The following MTERF4 variants were observed in gnomAD, a reference collection of about 807,000 sequenced individuals.
MTERF4 encodes the protein mitochondrial transcription termination factor 4.
A neutral mutation model predicts 22.5 loss-of-function variants in MTERF4; 17 were observed. The observed-to-expected ratio is 0.75, with a 90% CI of 0.52 to 1.13. The LOEUF is 1.13. MTERF4 is among the 50% of genes most tolerant of loss of function. MTERF4 has a pLI of 0.00. For synonymous variants in MTERF4, 165 were observed against 175.3 expected (o/e 0.94, Z 0.47); for missense variants, 420 against 466.8 (o/e 0.90, Z 0.92).
At chr2:241,093,254 CA>C (rs2064157791), downstream of MTERF4, 1 of 152,634 alleles carries the variant, frequency 6.6e-6, no homozygotes, top group African/African-American at 2.4e-5. Context: ...ACCACGTTCA[CA>C]AACGCGTACT....
At chr2:241,092,664 T>C (rs1378501161), downstream of MTERF4, 1 of 152,234 alleles carries the variant, frequency 6.6e-6, no homozygotes, top group East Asian at 1.9e-4. This position sits in a 1 kb window ranked among gnomAD's most constrained non-coding sequence, Gnocchi z 4.6. Flanking sequence ...GCAACAGAGA[T>C]GGACACCTGG....
downstream of MTERF4, chr2:241,071,701 A>AACC: frequency 3.1e-6 from 4 of 1,281,728 alleles, no homozygotes; most frequent in Non-Finnish European, 4.3e-6. Context: ...CGCCCCCGAG[A>AACC]CCCCCACCCA....
intron 4 of MTERF4, among the ~76,000 whole-genome samples, chr2:241,081,350 G>A (rs2063318783): frequency 6.6e-6 from 1 of 152,188 alleles, no homozygotes; most frequent in South Asian, 2.1e-4. Flanking sequence ...CCACAGGCCA[G>A]TGGGGGCTCA....
the MTERF4 span, among the ~76,000 whole-genome samples, chr2:241,062,549 C>T: frequency 6.6e-6 from 1 of 152,178 alleles, no homozygotes; most frequent in Non-Finnish European, 1.5e-5. Flanking sequence ...CCCACAGCGT[C>T]TTCTGGGAGC....
chr2:241,089,083 A>G (rs1413945421), downstream of MTERF4: 2 of 457,248 alleles, frequency 4.4e-6, no homozygotes, highest in African/African-American at 4.1e-5. Flanking sequence ...TCCCCACACA[A>G]ACTGCCGAAT....
At chr2:241,081,905 C>A in intron 4 of MTERF4, 1 of 800,986 alleles carries the variant, frequency 1.2e-6, no homozygotes. Flanking sequence ...GATGAGGTGC[C>A]AGACAGGGAG....
chr2:241,087,562 G>A, downstream of MTERF4: 2 of 1,491,088 alleles, frequency 1.3e-6, no homozygotes, highest in Non-Finnish European at 1.8e-6. Context: ...GGATGCTGCA[G>A]GCCTGTGGGC....
At chr2:241,083,396 AGG>A (rs1171164734), downstream of MTERF4, among the ~76,000 whole-genome samples, 11 of 41,634 alleles carry the variant, frequency 2.6e-4, no homozygotes, top group African/African-American at 2.0e-3. Flanking sequence ...TGAAATGGGG[AGG>A]AGCTACTGAA....
At chr2:241,062,611 T>C in the MTERF4 span, among the ~76,000 whole-genome samples, 1 of 152,226 alleles carries the variant, frequency 6.6e-6, no homozygotes, top group African/African-American at 2.4e-5. Flanking sequence ...AGCCAGGCAC[T>C]GAGCCCCAGG....
chr2:241,063,637 A>G, the MTERF4 span: 1 of 1,612,474 alleles, frequency 6.2e-7, no homozygotes, highest in Non-Finnish European at 8.5e-7. Flanking sequence ...GTCCTGCAGG[A>G]ACCTCCCAGG....
At chr2:241,079,084 A>G (rs1384428963) in intron 4 of MTERF4, among the ~76,000 whole-genome samples, 5 of 137,164 alleles carry the variant, frequency 3.6e-5, no homozygotes, top group Non-Finnish European at 7.6e-5. Context: ...ATTGCACTCC[A>G]GCCTGGGTGA....
At chr2:241,089,509 A>G (rs1258834394), downstream of MTERF4, 10 of 1,403,038 alleles carry the variant, frequency 7.1e-6, no homozygotes, top group South Asian at 1.4e-5. Context: ...AGCTCCGCAC[A>G]TGGCAGGAAC....
chr2:241,049,979 G>A, the MTERF4 span: 1 of 1,430,158 alleles, frequency 7.0e-7, no homozygotes, highest in Non-Finnish European at 9.9e-7. Flanking sequence ...ACCCTGGAGA[G>A]CGCCCGCGGT....
At chr2:241,053,820 A>T in the MTERF4 span, among the ~76,000 whole-genome samples, 2 of 152,230 alleles carry the variant, frequency 1.3e-5, no homozygotes, top group Non-Finnish European at 2.9e-5. Flanking sequence ...TGCACAGCCT[A>T]GAGACAAGGC....
downstream of MTERF4, chr2:241,071,838 G>A (rs573151703): frequency 8.1e-6 from 13 of 1,605,504 alleles, no homozygotes; most frequent in East Asian, 2.2e-4. Flanking sequence ...TGAGCGCCAG[G>A]TTCGGTGGCT....
downstream of MTERF4, chr2:241,090,279 CAG>C (rs570391669): frequency 1.9e-4 from 288 of 1,543,496 alleles, no homozygotes; most frequent in African/African-American, 3.5e-3. Flanking sequence ...TATGCCTACA[CAG>C]GGGCAGGATC....
At chr2:241,045,525 A>G in the MTERF4 span, among the ~76,000 whole-genome samples, 1 of 152,214 alleles carries the variant, frequency 6.6e-6, no homozygotes, top group South Asian at 2.1e-4. Flanking sequence ...ATTTTTGAAA[A>G]AGATTTAAAT....
the MTERF4 span, among the ~76,000 whole-genome samples, chr2:241,065,938 G>A: frequency 6.6e-6 from 1 of 150,886 alleles, no homozygotes; most frequent in Non-Finnish European, 1.5e-5. Context: ...GGAGACAGGG[G>A]CCGCGGGGGT....
At position 241,073,037 on chromosome 2, in the gene MTERF4, C is replaced by T; in HGVS notation, n.3125G>A. ...TGTCCCTGAAGCAGCTCTGAGGGGG[C>T]CCTGCAAGGGGAAGGCCGAGCCCCT... On this transcript the variant is annotated non_coding_transcript_exon_variant, in exon 5 of 5. Transcript: ENST00000464344. This position sits in a 1 kb window ranked among gnomAD's most constrained non-coding sequence, Gnocchi z 6.6. 2 of 532,730 alleles carry T rather than the reference C, an allele frequency of 3.8e-6. No individual in the cohort carries two copies. Among genetic ancestry groups the T allele is most frequent in the Non-Finnish European group, 6.7e-6 (2 of 299,528 alleles). 33.0% of individuals were successfully genotyped at this position (532,730 alleles called of 1,614,324 possible). A position where few individuals can be genotyped will look rare whatever the true frequency, so the allele number is the denominator to read the frequency against.
Sources: gnomAD v4.1 joint callset for allele counts (sites outside exome capture counted in the v4.1 genomes callset) on GRCh38, gnomAD v4.1.1 for gene constraint, Gnocchi (gnomAD v3.1) non-coding constraint, MANE v1.5 for transcripts, NCBI Gene and HGNC (gene_info 2026-07-23, HGNC 2026-07-21) for gene names.